The following SORCS3 variants were observed in gnomAD, a reference collection of about 807,000 sequenced individuals.
The protein encoded by SORCS3 is sortilin related VPS10 domain containing receptor 3.
SORCS3 carries 57 observed loss-of-function variants against 146.3 expected under a neutral mutation model. The ratio of observed to expected loss-of-function variants is 0.39; its 90% CI spans 0.31 to 0.49. The LOEUF is 0.49. Ranked by LOEUF, SORCS3 falls within the 20% of genes least tolerant of loss-of-function variation. The probability of loss-of-function intolerance (pLI) is 0.92; values close to 1 mark genes in which losing one functional copy is unlikely to be tolerated. For synonymous variants in SORCS3, 653 were observed against 618.5 expected, an observed-to-expected ratio of 1.06 and a Z score of -0.83; for missense variants, 1,341 against 1,575.5, an observed-to-expected ratio of 0.85 and a Z score of 2.52.
At chr10:104,978,106 CATA>C (rs1378390616) in intron 4 of SORCS3, among the ~76,000 whole-genome samples, 1 of 152,134 alleles carries the variant, frequency 6.6e-6, no homozygotes, top group Non-Finnish European at 1.5e-5. Context: ...GTAGGACATA[CATA>C]ATATTTTATA....
chr10:104,788,602 C>T (rs570796974), intron 1 of SORCS3, among the ~76,000 whole-genome samples: 1 of 152,014 alleles, frequency 6.6e-6, no homozygotes, highest in Non-Finnish European at 1.5e-5. Context: ...CATAGAAAAC[C>T]CTTTAGTGCT....
intron 4 of SORCS3, among the ~76,000 whole-genome samples, chr10:105,002,703 A>T (rs1172257660): frequency 6.6e-6 from 1 of 152,258 alleles, no homozygotes; most frequent in African/African-American, 2.4e-5. Flanking sequence ...CATTGCAGAA[A>T]GTTCTACTGG....
intron 2 of SORCS3, among the ~76,000 whole-genome samples, chr10:104,888,967 A>T (rs2018720790): frequency 6.6e-6 from 1 of 152,132 alleles, no homozygotes; most frequent in Non-Finnish European, 1.5e-5. Context: ...TATATTTTGG[A>T]GTTGTTAGTG....
chr10:104,764,233 T>C (rs1459598743), intron 1 of SORCS3, among the ~76,000 whole-genome samples: 1 of 152,146 alleles, frequency 6.6e-6, no homozygotes, highest in Non-Finnish European at 1.5e-5. Flanking sequence ...ACAGTAGCAG[T>C]GCTATGTTTA....
At chr10:105,125,168 A>G (rs1274719019) in intron 7 of SORCS3, among the ~76,000 whole-genome samples, 5 of 152,180 alleles carry the variant, frequency 3.3e-5, no homozygotes, top group African/African-American at 9.7e-5. Flanking sequence ...CCTGTACAAG[A>G]AACACTCTCA....
intron 1 of SORCS3, among the ~76,000 whole-genome samples, chr10:104,751,965 A>G (rs1305347366): frequency 2.8e-5 from 3 of 108,042 alleles, no homozygotes; most frequent in East Asian, 2.6e-4. Context: ...ATATATATAT[A>G]TATAATAGTT....
intron 1 of SORCS3, among the ~76,000 whole-genome samples, chr10:104,803,040 C>T (rs1169744262): frequency 1.3e-5 from 2 of 152,182 alleles, no homozygotes; most frequent in East Asian, 3.8e-4. Flanking sequence ...CTACCACCCT[C>T]TAAGTTTGTC....
At chr10:104,978,224 A>G (rs1421229898) in intron 4 of SORCS3, among the ~76,000 whole-genome samples, 1 of 152,130 alleles carries the variant, frequency 6.6e-6, no homozygotes, top group Non-Finnish European at 1.5e-5. Flanking sequence ...TTCCACCTCG[A>G]GGCATATTCC....
chr10:104,735,456 G>GTTTTTTTTGTTTTTTT (rs2016757734), intron 1 of SORCS3, among the ~76,000 whole-genome samples: 4 of 35,006 alleles, frequency 1.1e-4, no homozygotes, highest in African/African-American at 5.0e-4. Flanking sequence ...CTCACCGTCT[G>GTTTTTTTTGTTTTTTT]TTTTTTTTTT....
chr10:105,112,157 T>G (rs1003243861), intron 7 of SORCS3, among the ~76,000 whole-genome samples: 1 of 152,230 alleles, frequency 6.6e-6, no homozygotes, highest in African/African-American at 2.4e-5. Flanking sequence ...TATCCCTTTA[T>G]GCTTTGCCAT....
chr10:104,918,509 A>G (rs2019055689), intron 3 of SORCS3, among the ~76,000 whole-genome samples: 1 of 152,198 alleles, frequency 6.6e-6, no homozygotes, highest in South Asian at 2.1e-4. Flanking sequence ...TGGGCACATG[A>G]TTAAAGTTGA....
chr10:105,104,017 A>G (rs572874436), intron 6 of SORCS3, among the ~76,000 whole-genome samples: 12 of 152,354 alleles, frequency 7.9e-5, no homozygotes, highest in African/African-American at 2.4e-4. Flanking sequence ...GAATCCATCC[A>G]TAATTACTTA....
At chr10:104,987,619 A>G (rs547380031) in intron 4 of SORCS3, among the ~76,000 whole-genome samples, 1 of 152,116 alleles carries the variant, frequency 6.6e-6, no homozygotes, top group East Asian at 1.9e-4. Flanking sequence ...TCCTTTTAGA[A>G]CTCTGAAATT....
chr10:105,039,840 C>T (rs2055328112), intron 4 of SORCS3, among the ~76,000 whole-genome samples: 2 of 152,164 alleles, frequency 1.3e-5, no homozygotes, highest in Non-Finnish European at 2.9e-5. Flanking sequence ...TCTGCCACCA[C>T]CAGGTCGTCC....
At chr10:105,108,553 A>G (rs60520527) in intron 7 of SORCS3, among the ~76,000 whole-genome samples, 17,192 of 152,204 alleles carry the variant, frequency 0.11, 1,069 homozygotes, top group East Asian at 0.17. Flanking sequence ...AGATGAGCAG[A>G]AACCTGCAAT....
At chr10:105,058,647 A>G (rs748085574) in intron 5 of SORCS3, among the ~76,000 whole-genome samples, 102 of 152,232 alleles carry the variant, frequency 6.7e-4, no homozygotes, top group African/African-American at 2.1e-3. Flanking sequence ...AGGAGACAGG[A>G]CTTCTGGTTG....
chr10:104,794,622 G>GGAGAGAGAGAGAGAGAGAGAGAGA (rs371695559), intron 1 of SORCS3, among the ~76,000 whole-genome samples: 5 of 41,378 alleles, frequency 1.2e-4, no homozygotes, highest in South Asian at 1.7e-3. Context: ...AGAGAGGGAG[G>GGAGAGAGAGAGAGAGAGAGAGAGA]GAGAGAGAGA....
intron 1 of SORCS3, among the ~76,000 whole-genome samples, chr10:104,835,058 C>T (rs1379096186): frequency 2.0e-5 from 3 of 152,014 alleles, no homozygotes; most frequent in Non-Finnish European, 2.9e-5. Flanking sequence ...CCTTGTCTTC[C>T]CAACTAGATT....
At chr10:104,960,411 T>G (rs914903351) in intron 3 of SORCS3, among the ~76,000 whole-genome samples, 2 of 152,164 alleles carry the variant, frequency 1.3e-5, no homozygotes, top group African/African-American at 4.8e-5. Context: ...CTCATAGTTC[T>G]GGAAGCTGGG....
Sources: gnomAD v4.1 joint callset for allele counts (sites outside exome capture counted in the v4.1 genomes callset) on GRCh38, gnomAD v4.1.1 for gene constraint, MANE v1.5 for transcripts, NCBI Gene and HGNC (gene_info 2026-07-23, HGNC 2026-07-21) for gene names.